The following GRIP1 variants were observed in gnomAD, a reference collection of about 807,000 sequenced individuals.
GRIP1 encodes the protein glutamate receptor-interacting protein 1.
In GRIP1, 45 loss-of-function variants were observed where a neutral mutation model predicts 129.9. The observed-to-expected ratio is 0.35, with a 90% CI of 0.27 to 0.44. The LOEUF is 0.44. GRIP1 is among the 20% of genes least tolerant of loss of function. GRIP1 has a pLI of 1.00. For missense variants in GRIP1, 1,196 were observed against 1,396.8 expected (o/e 0.86, Z 2.29); for synonymous variants, 530 against 520.8 (o/e 1.02, Z -0.24).
chr12:66,723,104 C>T (rs747381961), intron 1 of GRIP1, among the ~76,000 whole-genome samples: 3 of 149,142 alleles, frequency 2.0e-5, no homozygotes, highest in Non-Finnish European at 4.4e-5. Flanking sequence ...GCAGCATTCA[C>T]CAAATATTTT....
At position 66,606,782 on chromosome 12, in the gene GRIP1, A is replaced by G. The variant is rs151035169; in HGVS notation, c.56-9855T>C. 2.1e-3 allele frequency among the ~76,000 whole-genome samples: 327 copies of G among 152,256 alleles called. 2 individuals are homozygous for G. Among genetic ancestry groups the G allele is most frequent in the African/African-American group, 7.5e-3 (311 of 41,546 alleles). ...TTACATGCCTAGCACTCTGCTTGGT[A>G]CCTCACATACATTATCAGTACTCAC... On this transcript the variant is annotated intron_variant, in intron 1 of 24. Transcript: ENST00000359742.
intron 1 of GRIP1, among the ~76,000 whole-genome samples, chr12:67,011,607 C>T (rs1485805022): frequency 2.0e-5 from 3 of 151,790 alleles, no homozygotes; most frequent in Admixed American, 1.3e-4. Context: ...CATCCATATC[C>T]TCTATTTTTT....
chr12:66,978,753 A>C (rs1483814859), intron 1 of GRIP1, among the ~76,000 whole-genome samples: 1 of 152,190 alleles, frequency 6.6e-6, no homozygotes, highest in Non-Finnish European at 1.5e-5. Flanking sequence ...ACAAACAAAA[A>C]ACTATTTTAA....
intron 2 of GRIP1, among the ~76,000 whole-genome samples, chr12:66,563,306 G>C (rs977108700): frequency 6.6e-6 from 1 of 152,156 alleles, no homozygotes; most frequent in Non-Finnish European, 1.5e-5. Context: ...TTAGAGTGTA[G>C]AGTTTGAGGC....
At chr12:66,388,901 C>T (rs2056469418) in intron 19 of GRIP1, among the ~76,000 whole-genome samples, 1 of 152,134 alleles carries the variant, frequency 6.6e-6, no homozygotes, top group Admixed American at 6.5e-5. Flanking sequence ...GTCTATGGGC[C>T]TGATATTGAG....
chr12:66,419,312 G>C (rs906435964), intron 15 of GRIP1, among the ~76,000 whole-genome samples: 4 of 152,092 alleles, frequency 2.6e-5, no homozygotes, highest in African/African-American at 9.7e-5. Context: ...GGGTAGTGGG[G>C]GGGTCAGCGT....
chr12:66,666,235 G>A (rs1193404433), intron 1 of GRIP1, among the ~76,000 whole-genome samples: 1 of 151,980 alleles, frequency 6.6e-6, no homozygotes, highest in African/African-American at 2.4e-5. Context: ...TTTCACTGGA[G>A]AATCAAATAC....
chr12:66,432,184 T>G (rs1466485090), intron 14 of GRIP1, among the ~76,000 whole-genome samples: 1 of 152,152 alleles, frequency 6.6e-6, no homozygotes, highest in Non-Finnish European at 1.5e-5. Flanking sequence ...CATCTATCTC[T>G]CATCTAATTA....
intron 1 of GRIP1, among the ~76,000 whole-genome samples, chr12:67,008,068 G>A (rs1191780415): frequency 6.6e-6 from 1 of 152,104 alleles, no homozygotes; most frequent in African/African-American, 2.4e-5. Context: ...CATAATAAAA[G>A]CTTCTATGAC....
intron 1 of GRIP1, among the ~76,000 whole-genome samples, chr12:66,978,512 A>C (rs547122486): frequency 6.6e-6 from 1 of 152,198 alleles, no homozygotes. Flanking sequence ...AATTATGTTA[A>C]CATCTCAAGT....
At chr12:66,532,852 T>C in intron 4 of GRIP1, among the ~76,000 whole-genome samples, 1 of 152,176 alleles carries the variant, frequency 6.6e-6, no homozygotes, top group Non-Finnish European at 1.5e-5. Flanking sequence ...AGGGACATGC[T>C]TTAACACATT....
intron 1 of GRIP1, among the ~76,000 whole-genome samples, chr12:66,900,680 A>AT (rs2040830393): frequency 6.6e-6 from 1 of 152,180 alleles, no homozygotes; most frequent in African/African-American, 2.4e-5. Context: ...AGGAGGAAGA[A>AT]GGGAAGGGCC....
chr12:66,369,736 T>C (rs1239688769), intron 23 of GRIP1, among the ~76,000 whole-genome samples: 1 of 152,142 alleles, frequency 6.6e-6, no homozygotes, highest in African/African-American at 2.4e-5. Context: ...TGTTCACAGG[T>C]ACCCGAGGGA....
chr12:66,601,486 C>A (rs7953441), intron 1 of GRIP1, among the ~76,000 whole-genome samples: 85,373 of 151,878 alleles, frequency 0.56, 25,148 homozygotes, highest in African/African-American at 0.7. Context: ...TATGCAGAGG[C>A]ACCCGATATG....
intron 13 of GRIP1, among the ~76,000 whole-genome samples, chr12:66,437,001 A>G (rs2058329804): frequency 2.0e-5 from 3 of 149,364 alleles, no homozygotes; most frequent in African/African-American, 4.9e-5. Context: ...AAAAAAGGAG[A>G]AAAGGGAGAG....
chr12:66,972,879 A>G (rs1046980273), intron 1 of GRIP1, among the ~76,000 whole-genome samples: 12 of 152,172 alleles, frequency 7.9e-5, no homozygotes, highest in Non-Finnish European at 1.5e-5. Flanking sequence ...TTTAGAGGAG[A>G]GCTTTTAGGG....
chr12:66,446,492 G>A (rs569018993), intron 11 of GRIP1, among the ~76,000 whole-genome samples: 1 of 152,266 alleles, frequency 6.6e-6, no homozygotes, highest in Non-Finnish European at 1.5e-5. Flanking sequence ...CTCTACAGGT[G>A]GCAGGAAGAC....
chr12:66,926,721 T>G (rs2041301831), intron 1 of GRIP1, among the ~76,000 whole-genome samples: 1 of 152,248 alleles, frequency 6.6e-6, no homozygotes, highest in African/African-American at 2.4e-5. Context: ...GCCCAGTCTA[T>G]GCCGTGTGCT....
chr12:66,769,332 G>T (rs2037744985), intron 1 of GRIP1, among the ~76,000 whole-genome samples: 1 of 151,810 alleles, frequency 6.6e-6, no homozygotes, highest in Non-Finnish European at 1.5e-5. Context: ...CTCAAGGTGA[G>T]GCCTCGTAAA....
Sources: allele counts gnomAD v4.1 joint callset (sites outside exome capture counted in the v4.1 genomes callset), GRCh38; gene constraint gnomAD v4.1.1; transcripts MANE v1.5; gene names NCBI Gene and HGNC (gene_info 2026-07-23, HGNC 2026-07-21).